MPPED2: variants seen among roughly 807,000 people sequenced by gnomAD.
The protein encoded by MPPED2 is metallophosphoesterase domain containing 2.
Under a neutral mutation model 33.0 loss-of-function variants are expected in MPPED2, and 5 were observed. The observed-to-expected ratio is 0.15, with a 90% CI of 0.08 to 0.32. MPPED2 has a LOEUF of 0.32. Ranked by LOEUF, MPPED2 falls within the 10% of genes least tolerant of loss-of-function variation. The pLI is 1.00. For synonymous variants in MPPED2, 136 were observed against 141.9 expected (o/e 0.96, Z 0.29); for missense variants, 275 against 372.1 (o/e 0.74, Z 2.15).
At chr11:30,525,153 GA>G (rs911324842) in intron 3 of MPPED2, among the ~76,000 whole-genome samples, 55 of 152,244 alleles carry the variant, frequency 3.6e-4, no homozygotes, top group African/African-American at 1.2e-3. Context: ...ACAAAATGGG[GA>G]AAAAATAATG....
At chr11:30,577,691 G>A (rs1956988953) in intron 2 of MPPED2, among the ~76,000 whole-genome samples, 1 of 152,212 alleles carries the variant, frequency 6.6e-6, no homozygotes, top group South Asian at 2.1e-4. Context: ...CAGTCACTGT[G>A]TGAGGCCATC....
At chr11:30,584,576 C>T (rs1590955857) in intron 1 of MPPED2, 3 of 152,596 alleles carry the variant, frequency 2.0e-5, no homozygotes, top group African/African-American at 7.2e-5. Context: ...TATCTTTTTT[C>T]TCTCCCTCTT....
Position 30,536,092 on chromosome 11 carries a change from T to A in MPPED2, c.212A>T (p.Asp71Val). 1 of 1,613,618 alleles carries A rather than the reference T, an allele frequency of 6.2e-7. No homozygotes were observed. The highest frequency in any genetic ancestry group is 8.5e-7 in the Non-Finnish European group (1 of 1,179,830). The stretch of plus-strand genomic sequence containing the variant: ...GTCCCCATAAGGCATCTGGATACCA[T>A]CTGTTCTGGAGTGTGTGTCTGAGAT... ...VCISDTHSRTDGIQMPYGDIL... is the reference protein window; with the variant it reads ...VCISDTHSRTVGIQMPYGDIL... Residue 71 changes from aspartate to valine, a missense_variant, in exon 3 of 7, where the codon GAT (aspartate) becomes GTT (valine). By Grantham distance (152) the Asp-to-Val change is radical. Coordinates refer to ENST00000358117, the MANE Select transcript of MPPED2 (RefSeq NM_001584.3).
At chr11:30,550,289 C>T (rs796345736) in intron 2 of MPPED2, among the ~76,000 whole-genome samples, 5 of 152,294 alleles carry the variant, frequency 3.3e-5, no homozygotes, top group African/African-American at 9.6e-5. Flanking sequence ...GTCTTTCCCA[C>T]CCCTGCTGTA....
intron 2 of MPPED2, among the ~76,000 whole-genome samples, chr11:30,555,877 C>T (rs1186241997): frequency 6.6e-6 from 1 of 152,106 alleles, no homozygotes; most frequent in Non-Finnish European, 1.5e-5. Flanking sequence ...TTCTTCATTC[C>T]AGCCCAGTCT....
intron 6 of MPPED2, among the ~76,000 whole-genome samples, chr11:30,389,920 C>G (rs1049128333): frequency 1.3e-5 from 2 of 152,132 alleles, no homozygotes; most frequent in African/African-American, 4.8e-5. Flanking sequence ...ACAGAGTTCC[C>G]AAGTCCATCA....
At chr11:30,408,738 G>C (rs1359138578), downstream of MPPED2, among the ~76,000 whole-genome samples, 1 of 152,134 alleles carries the variant, frequency 6.6e-6, no homozygotes, top group Non-Finnish European at 1.5e-5. Context: ...TTTAATTTTG[G>C]TACATCTTAC....
intron 3 of MPPED2, among the ~76,000 whole-genome samples, chr11:30,506,343 C>T (rs547304872): frequency 3.2e-4 from 48 of 152,308 alleles, no homozygotes; most frequent in African/African-American, 1.1e-3. Flanking sequence ...CGTGCCTGGC[C>T]TATTACTGTT....
At chr11:30,424,085 A>C (rs560751275) in intron 4 of MPPED2, among the ~76,000 whole-genome samples, 4 of 152,208 alleles carry the variant, frequency 2.6e-5, no homozygotes, top group Non-Finnish European at 4.4e-5. Flanking sequence ...TGCATGGACA[A>C]TCCTGTGGAA....
chr11:30,580,595 A>C, intron 1 of MPPED2, 101 bp from the exon 2 acceptor site: 1 of 1,180,098 alleles, frequency 8.5e-7, no homozygotes, highest in Non-Finnish European at 1.1e-6. Flanking sequence ...GTTCAGGGAA[A>C]ATCTGAATAT....
In MPPED2 at chr11:30,411,240, A is replaced by G; in HGVS notation, c.*228T>C. On this transcript the variant is annotated 3_prime_UTR_variant, in exon 7 of 7. Transcript: ENST00000358117. ...ACAATTTACAATGGCATGGCCTTTG[A>G]GAAAACAGAAGTCATTTTACAAATT... 2.6e-6 allele frequency: 3 copies of G among 1,164,470 alleles called. No individual in the cohort carries two copies. The highest frequency in any genetic ancestry group is 3.2e-6 in the Non-Finnish European group (3 of 942,194). The allele number at this position is 1,164,470 out of a possible 1,614,324, so 72.1% of individuals were successfully genotyped here. A position where few individuals can be genotyped will look rare whatever the true frequency, so the allele number is the denominator to read the frequency against.
At chr11:30,401,493 T>G (rs567548126) in intron 6 of MPPED2, among the ~76,000 whole-genome samples, 3 of 152,222 alleles carry the variant, frequency 2.0e-5, no homozygotes, top group Non-Finnish European at 4.4e-5. Flanking sequence ...TGAAAAGATA[T>G]GTACTGGGTG....
At chr11:30,498,496 C>T (rs1480132283) in intron 3 of MPPED2, among the ~76,000 whole-genome samples, 1 of 149,724 alleles carries the variant, frequency 6.7e-6, no homozygotes, top group African/African-American at 2.5e-5. Flanking sequence ...TGCTGTGAGC[C>T]GAGATTGAAC....
chr11:30,388,168 C>T (rs1947726047), exon 7 of MPPED2: 1 of 152,396 alleles, frequency 6.6e-6, no homozygotes, highest in South Asian at 2.1e-4. Flanking sequence ...TGTGGAGAAT[C>T]ACACAATCAT....
chr11:30,388,529 G>A lies in MPPED2; in HGVS notation c.*360C>T, dbSNP rs566043535. 2.1e-4 allele frequency: 34 copies of A among 164,858 alleles called. No individual in the cohort carries two copies. In the East Asian group the frequency reaches 5.1e-3, roughly 25 times the overall value. The allele number at this position is 164,858 out of a possible 1,614,324, so 10.2% of individuals were successfully genotyped here. On this transcript the variant is annotated 3_prime_UTR_variant, in exon 7 of 7. Transcript: ENST00000448418. ...GGAGGGACTGTTGGTAGGGGATGCC[G>A]AGGCTTAGAGAAGGAATCAGCTCTG...
intron 6 of MPPED2, among the ~76,000 whole-genome samples, chr11:30,399,941 T>C (rs923715824): frequency 1.3e-5 from 2 of 152,248 alleles, no homozygotes; most frequent in South Asian, 4.1e-4. Flanking sequence ...TTAAAACATT[T>C]AAAGTATTAA....
chr11:30,480,662 A>G (rs947978528), intron 4 of MPPED2, among the ~76,000 whole-genome samples: 12 of 152,108 alleles, frequency 7.9e-5, no homozygotes, highest in Non-Finnish European at 1.5e-4. Flanking sequence ...GGGGGCAGCT[A>G]TTTCACAAGT....
intron 3 of MPPED2, among the ~76,000 whole-genome samples, chr11:30,534,338 G>C (rs1954693793): frequency 6.6e-6 from 1 of 152,086 alleles, no homozygotes. Context: ...AATAGTTCAT[G>C]GATGAAAGTT....
At chr11:30,541,178 G>A (rs1251219120) in intron 2 of MPPED2, among the ~76,000 whole-genome samples, 1 of 152,164 alleles carries the variant, frequency 6.6e-6, no homozygotes, top group African/African-American at 2.4e-5. Context: ...TCTTGTTCTT[G>A]AAGCTTGATC....
Sources: gnomAD v4.1 joint callset for allele counts (sites outside exome capture counted in the v4.1 genomes callset) on GRCh38, gnomAD v4.1.1 for gene constraint, MANE v1.5 for transcripts, NCBI Gene and HGNC (gene_info 2026-07-23, HGNC 2026-07-21) for gene names.